The following SLC24A3 variants were observed in gnomAD, a reference collection of about 807,000 sequenced individuals.
SLC24A3 encodes solute carrier family 24 member 3.
Under a neutral mutation model 75.8 loss-of-function variants are expected in SLC24A3, and 28 were observed. The observed-to-expected ratio is 0.37, with a 90% CI of 0.27 to 0.51. SLC24A3 has a LOEUF of 0.51. SLC24A3 is among the 20% of genes least tolerant of loss of function. The pLI, the probability that SLC24A3 is intolerant of heterozygous loss-of-function variation, is 0.94. For synonymous variants in SLC24A3, 372 were observed against 334.1 expected (o/e 1.11, Z -1.24); for missense variants, 663 against 847.8 (o/e 0.78, Z 2.71).
chr20:19,316,097 AG>A (rs1984579227), intron 2 of SLC24A3, among the ~76,000 whole-genome samples: 1 of 152,230 alleles, frequency 6.6e-6, no homozygotes, highest in South Asian at 2.1e-4. Context: ...GCATCACCAA[AG>A]CCTATTGAAC....
intron 6 of SLC24A3, among the ~76,000 whole-genome samples, chr20:19,638,058 G>T (rs144435555): frequency 2.0e-5 from 3 of 152,028 alleles, no homozygotes; most frequent in Non-Finnish European, 1.5e-5. Flanking sequence ...CATCCTCTAA[G>T]TTCCTTCCCC....
At chr20:19,556,572 G>T in intron 3 of SLC24A3, among the ~76,000 whole-genome samples, 2 of 97,774 alleles carry the variant, frequency 2.0e-5, no homozygotes, top group African/African-American at 3.7e-5. Context: ...AGTGGCCAGT[G>T]TGTGAAAAAA....
chr20:19,252,650 G>GA lies in SLC24A3; in HGVS notation c.143-28309_143-28308insA, dbSNP rs1555783955. Among the ~76,000 whole-genome samples the GA allele has an allele frequency of 2.7e-5, 4 of 148,136 alleles. 1 individual carries two copies. The highest frequency in any genetic ancestry group is 9.9e-5 in the African/African-American group (4 of 40,450). On this transcript the variant is annotated intron_variant, in intron 1 of 16. Transcript: ENST00000328041. ...AGCCTGAAATTGGAATGGCGGGGGGGGGTGCCTGTTCCAGAAACTCCTTGC... is the reference window on the plus strand; with the variant it reads ...AGCCTGAAATTGGAATGGCGGGGGGGAGGTGCCTGTTCCAGAAACTCCTTGC...
At chr20:19,701,156 A>G (rs2032867448) in intron 15 of SLC24A3, among the ~76,000 whole-genome samples, 1 of 152,116 alleles carries the variant, frequency 6.6e-6, no homozygotes, top group South Asian at 2.1e-4. Context: ...GGCACACAGT[A>G]TGGGGCAGGC....
chr20:19,656,472 G>C (rs553756309), intron 7 of SLC24A3, among the ~76,000 whole-genome samples: 1 of 152,260 alleles, frequency 6.6e-6, no homozygotes, highest in East Asian at 1.9e-4. Flanking sequence ...CCTGTGAAAA[G>C]GGTATGATCA....
At chr20:19,266,169 C>T (rs576972716) in intron 1 of SLC24A3, among the ~76,000 whole-genome samples, 3 of 152,218 alleles carry the variant, frequency 2.0e-5, no homozygotes, top group African/African-American at 7.2e-5. Context: ...AAAATGATGT[C>T]ATCAGGAAGC....
intron 1 of SLC24A3, among the ~76,000 whole-genome samples, chr20:19,214,006 G>A (rs1282582567): frequency 1.3e-5 from 2 of 152,314 alleles, no homozygotes; most frequent in East Asian, 3.9e-4. Context: ...TGAGGTCGAC[G>A]TAGCTCTAAT....
chr20:19,369,471 G>A (rs1022255589), intron 2 of SLC24A3, among the ~76,000 whole-genome samples: 1 of 143,010 alleles, frequency 7.0e-6, no homozygotes, highest in African/African-American at 3.0e-5. Flanking sequence ...AGTGCAATGG[G>A]GGACTTTTGT....
intron 2 of SLC24A3, among the ~76,000 whole-genome samples, chr20:19,451,816 C>A (rs149319820): frequency 3.7e-4 from 56 of 152,298 alleles, no homozygotes; most frequent in African/African-American, 1.3e-3. Context: ...TCATGTCATG[C>A]GCTGGCACCT....
chr20:19,640,401 C>T (rs914439035), intron 6 of SLC24A3, among the ~76,000 whole-genome samples: 12 of 152,068 alleles, frequency 7.9e-5, no homozygotes, highest in African/African-American at 2.9e-4. Context: ...GATTTTTTTA[C>T]TTTTATTTTA....
chr20:19,634,768 G>C (rs1008557140), intron 6 of SLC24A3, among the ~76,000 whole-genome samples: 2 of 151,448 alleles, frequency 1.3e-5, no homozygotes, highest in Non-Finnish European at 3.0e-5. Flanking sequence ...ACTGGAAGCC[G>C]GGGGGGACAC....
At chr20:19,528,071 C>G (rs1167731385) in intron 3 of SLC24A3, among the ~76,000 whole-genome samples, 1 of 152,194 alleles carries the variant, frequency 6.6e-6, no homozygotes, top group Non-Finnish European at 1.5e-5. Context: ...AGTCCAAGCT[C>G]TTTAAGACCC....
rs35229035 is a variant in SLC24A3 at position 19,296,268 on chromosome 20, C to CTTTTTT, written c.271+15194_271+15199dup. Reference sequence around the variant, plus strand: ...TTTCTTTATTAGTCTAGCTAGTGGTCTTTTTTTTTTTTTTTTTTCAAAAAA... The same window carrying CTTTTTT: ...TTTCTTTATTAGTCTAGCTAGTGGTCTTTTTTTTTTTTTTTTTTTTTTTTCAAAAAA... On this transcript the variant is annotated intron_variant, in intron 2 of 16. Coordinates refer to ENST00000328041, the MANE Select transcript of SLC24A3 (RefSeq NM_020689.4). Among the ~76,000 whole-genome samples the CTTTTTT allele has an allele frequency of 1.3e-3, 93 of 72,296 alleles. 5 individuals carry two copies. Among genetic ancestry groups the CTTTTTT allele is most frequent in the South Asian group, 1.7e-3 (3 of 1,774 alleles). The allele number at this position is 72,296 out of a possible 152,430, so 47.4% of individuals were successfully genotyped here.
At chr20:19,606,796 T>G (rs751614213) in intron 6 of SLC24A3, among the ~76,000 whole-genome samples, 26 of 152,160 alleles carry the variant, frequency 1.7e-4, no homozygotes, top group South Asian at 4.1e-4. Flanking sequence ...GTGAATGAAC[T>G]GGTGGTCAGA....
intron 2 of SLC24A3, among the ~76,000 whole-genome samples, chr20:19,349,372 A>G (rs936719551): frequency 3.9e-5 from 6 of 152,128 alleles, no homozygotes; most frequent in Non-Finnish European, 7.4e-5. Context: ...GTCCATGCCT[A>G]GTTCGTATCT....
intron 7 of SLC24A3, among the ~76,000 whole-genome samples, chr20:19,656,976 C>A (rs11696123): frequency 6.6e-6 from 1 of 152,076 alleles, no homozygotes; most frequent in Non-Finnish European, 1.5e-5. Context: ...CTCCCTCACC[C>A]GAGCCTGGTC....
chr20:19,304,274 T>TC (rs1008208398), intron 2 of SLC24A3, among the ~76,000 whole-genome samples: 1 of 152,198 alleles, frequency 6.6e-6, no homozygotes, highest in African/African-American at 2.4e-5. Context: ...TGGGATGGCA[T>TC]CATGGTCTTT....
intron 2 of SLC24A3, among the ~76,000 whole-genome samples, chr20:19,292,430 G>A (rs2122236799): frequency 6.6e-6 from 1 of 152,330 alleles, no homozygotes; most frequent in African/African-American, 2.4e-5. Flanking sequence ...CAGGCGGAAA[G>A]TAAAAATAGT....
intron 2 of SLC24A3, among the ~76,000 whole-genome samples, chr20:19,413,144 C>T (rs1328913726): frequency 1.3e-5 from 2 of 152,152 alleles, no homozygotes; most frequent in Admixed American, 6.5e-5. Flanking sequence ...AAAGACCAAA[C>T]CCAGAAGTAT....
Sources: gnomAD v4.1 joint callset for allele counts (sites outside exome capture counted in the v4.1 genomes callset) on GRCh38, gnomAD v4.1.1 for gene constraint, MANE v1.5 for transcripts, NCBI Gene and HGNC (gene_info 2026-07-23, HGNC 2026-07-21) for gene names.